The following MUC4 variants were observed in gnomAD, a reference collection of about 807,000 sequenced individuals.
The protein encoded by MUC4 is mucin-4.
Under a neutral mutation model 257.9 loss-of-function variants are expected in MUC4, and 202 were observed. The observed-to-expected ratio is 0.78, with a 90% CI of 0.70 to 0.88. The LOEUF (loss-of-function observed/expected upper bound fraction) is 0.88, where lower values mean the gene tolerates loss of function less well. Ranked by LOEUF, MUC4 falls within the 40% of genes least tolerant of loss-of-function variation. The pLI is 0.00. For synonymous variants in MUC4, 2,351 were observed against 2,757.1 expected (o/e 0.85, Z 4.62); for missense variants, 5,976 against 6,513.7 (o/e 0.92, Z 2.84).
At position 195,790,788 on chromosome 3, in the gene MUC4, T is replaced by G; in HGVS notation, c.792A>C (p.Ile264=). Reference sequence around the variant, plus strand: ...TGGAGCCTGTGGAGGTTGTCACTGTTATCTTCTCTGATGTCATCATGGATG... The same window carrying G: ...TGGAGCCTGTGGAGGTTGTCACTGTGATCTTCTCTGATGTCATCATGGATG... ...TNTSMMTSEK[I]TVTTSTGSTL... is the part of the protein sequence containing the mutation. The change falls in exon 2 of 25, where the codon ATA becomes ATC. Residue 264 remains isoleucine (I), a synonymous_variant. Coordinates refer to ENST00000463781, the MANE Select transcript of MUC4 (RefSeq NM_018406.7). 6.2e-7 allele frequency: 1 copy of G among 1,613,962 alleles called. No homozygotes were observed. Among genetic ancestry groups the G allele is most frequent in the Non-Finnish European group, 8.5e-7 (1 of 1,179,886 alleles).
chr3:195,756,615 TC>T (rs1717706130), intron 18 of MUC4, among the ~76,000 whole-genome samples: 1 of 150,702 alleles, frequency 6.6e-6, no homozygotes, highest in South Asian at 2.1e-4. Context: ...TTCCTTTCTT[TC>T]CTTTCCTTTC....
At position 195,754,375 on chromosome 3, in the gene MUC4, G is replaced by A; in HGVS notation, c.15169-3C>T. On this transcript the variant is annotated splice_region_variant and splice_polypyrimidine_tract_variant and intron_variant, in intron 18 of 24. Transcript: ENST00000463781. ...CCGTCACACTTGCAGCCAGCCACCTGGAGGAGGGTTGCCGATCACGGGCGG... is the reference window on the plus strand; with the variant it reads ...CCGTCACACTTGCAGCCAGCCACCTAGAGGAGGGTTGCCGATCACGGGCGG... 2 of 1,603,848 alleles carry A rather than the reference G, an allele frequency of 1.2e-6. No individual in the cohort carries two copies. Among genetic ancestry groups the A allele is most frequent in the East Asian group, 2.2e-5 (1 of 44,488 alleles).
chr3:195,759,016 G>A, intron 17 of MUC4, 108 bp downstream of exon 17: 1 of 1,381,842 alleles, frequency 7.2e-7, no homozygotes, highest in Non-Finnish European at 9.9e-7. Flanking sequence ...AAATGAAAGA[G>A]TGACAGCAAG....
At chr3:195,765,654 C>T (rs937076437) in intron 8 of MUC4, among the ~76,000 whole-genome samples, 2 of 152,208 alleles carry the variant, frequency 1.3e-5, no homozygotes, top group Non-Finnish European at 2.9e-5. Context: ...ACGTGGTTGC[C>T]ACAGAACAAA....
chr3:195,761,136 G>A lies in MUC4; in HGVS notation c.14615-19C>T, dbSNP rs569147602. 49 of 1,596,432 alleles carry A rather than the reference G, an allele frequency of 3.1e-5. No individual in the cohort carries two copies. Among genetic ancestry groups the A allele is most frequent in the African/African-American group, 5.4e-5 (4 of 74,706 alleles). ...ATCTGCCCTGTAACACACAGAGCGC[G>A]GTGGTACCAGGCATGGCACTCAGCC... On this transcript the variant is annotated intron_variant, in intron 15 of 24. Transcript: ENST00000463781.
chr3:195,758,571 A>ATTTTTTTTTTTTTTTTT (rs1553854547), intron 17 of MUC4, among the ~76,000 whole-genome samples: 5 of 34,300 alleles, frequency 1.5e-4, no homozygotes, highest in African/African-American at 4.9e-4. Context: ...TGATCTTCAA[A>ATTTTTTTTTTTTTTTTT]TCTTTTTTTT....
intron 1 of MUC4, among the ~76,000 whole-genome samples, chr3:195,794,715 CAA>C (rs1358131337): frequency 3.3e-5 from 5 of 152,138 alleles, no homozygotes; most frequent in African/African-American, 1.2e-4. Flanking sequence ...CTCAGAGAGA[CAA>C]AGTCTCAGGG....
At position 195,784,519 on chromosome 3, in the gene MUC4, T is replaced by A. The variant is rs75692609; in HGVS notation, c.7061A>T (p.His2354Leu). ...GGATACTGAGGAAGCGTCGGTGACA[T>A]GAAGAGGGGTGGCGTGACCTGTGGA... ...SASTGHATPL[H>L]VTDASSVSTG... Residue 2354 changes from histidine to leucine, a missense_variant, in exon 2 of 25, where the codon CAT becomes CTT. This residue lies in a region of MUC4 where 35 missense variants were observed against 64.3 expected (regional missense o/e 0.54). Transcript: ENST00000463781. 3.3e-4 allele frequency: 109 copies of A among 329,630 alleles called. 2 individuals are homozygous for A. In the African/African-American group the frequency reaches 4.7e-3, roughly 14 times the overall value. 20.4% of individuals were successfully genotyped at this position (329,630 alleles called of 1,614,324 possible). A position where few individuals can be genotyped will look rare whatever the true frequency, so the allele number is the denominator to read the frequency against.
intron 21 of MUC4, 36 bp from the exon 22 acceptor site, chr3:195,751,307 G>A (rs1716388085): frequency 6.6e-7 from 1 of 1,505,028 alleles, no homozygotes; most frequent in African/African-American, 1.4e-5. Flanking sequence ...GTGGGGGTGA[G>A]GCCCCATCCG....
At chr3:195,770,705 G>C (rs1234165550) in intron 5 of MUC4, 1 of 430,324 alleles carries the variant, frequency 2.3e-6, no homozygotes, top group African/African-American at 2.0e-5. Context: ...GCAGCTTCTT[G>C]AGAACAGGCG....
At chr3:195,760,504 A>G (rs1718573160) in intron 16 of MUC4, among the ~76,000 whole-genome samples, 1 of 110,630 alleles carries the variant, frequency 9.0e-6, no homozygotes, top group African/African-American at 2.9e-5. Flanking sequence ...GGGGGCTGGG[A>G]AGGCATCCAG....
At chr3:195,762,523 CACGCACCGGGCCCTGCACCGCA>C (rs1396741295) in intron 13 of MUC4, among the ~76,000 whole-genome samples, 2 of 145,888 alleles carry the variant, frequency 1.4e-5, no homozygotes, top group African/African-American at 5.4e-5. Flanking sequence ...CCTGCACCGC[CACGCACCGGGCCCTGCACCGCA>C]ACGCACCCGG....
Position 195,765,051 on chromosome 3 carries a change from C to G in MUC4, c.13870G>C (p.Gly4624Arg). 6.2e-7 allele frequency: 1 copy of G among 1,613,932 alleles called. No individual in the cohort carries two copies. Among genetic ancestry groups the G allele is most frequent in the Non-Finnish European group, 8.5e-7 (1 of 1,179,998 alleles). The change falls in exon 10 of 25, where the codon GGG becomes CGG. Residue 4624 changes from glycine (G) to arginine (R), a missense_variant. Physicochemically the swap from Gly to Arg is moderately radical, Grantham distance 125 (BLOSUM62 -2). This residue lies in a region of MUC4 where 996 missense variants were observed against 1,137.3 expected (regional missense o/e 0.88). Coordinates refer to ENST00000463781, the MANE Select transcript of MUC4 (RefSeq NM_018406.7). Reference protein sequence around the residue: ...SWRGGVCCSYGPWGEFREGWH... With the variant: ...SWRGGVCCSYRPWGEFREGWH... The stretch of plus-strand genomic sequence containing the variant: ...CCTTCACGAAACTCTCCCCAGGGCC[C>G]GTAGCTGCAGCACACGCCTCCTCGC...
chr3:195,774,855 G>A lies in MUC4; in HGVS notation c.12944-550C>T, dbSNP rs1370957030. Among the ~76,000 whole-genome samples, 9 of 148,136 alleles carry A rather than the reference G, an allele frequency of 6.1e-5. No individual in the cohort carries two copies. The South Asian group carries it at 1.1e-3, about 17-fold the overall frequency. ...GCTGAGGTTCCAGTGAGCTGAGATC[G>A]CGCCACTGCACTCCAGCCTGGGCAA... On this transcript the variant is annotated intron_variant, in intron 3 of 24. Coordinates refer to ENST00000463781, the MANE Select transcript of MUC4 (RefSeq NM_018406.7).
intron 1 of MUC4, among the ~76,000 whole-genome samples, chr3:195,800,208 G>GTGGA (rs1200564110): frequency 1.3e-5 from 2 of 152,106 alleles, no homozygotes; most frequent in Non-Finnish European, 1.5e-5. Context: ...AACCTGGGAG[G>GTGGA]TGGAGGTTGC....
intron 21 of MUC4, chr3:195,751,989 C>T (rs1404115706): frequency 1.1e-5 from 3 of 273,944 alleles, no homozygotes; most frequent in African/African-American, 6.4e-5. Flanking sequence ...CCCAACCACT[C>T]AGCAGTTGTG....
In MUC4 at chr3:195,763,519, G is replaced by T; in HGVS notation, c.14167C>A (p.Arg4723Ser). ...DGNSSFLLQGRTAQTGSAQAT... is the reference protein window; with the variant it reads ...DGNSSFLLQGSTAQTGSAQAT... ...TGGGCTGAGCCAGTCTGGGCGGTGC[G>T]GCCCTGAAGCAGGAAGGAGGAGTTC... is the stretch of plus-strand genomic sequence containing the variant. The change falls in exon 12 of 25, where the codon CGC (arginine) becomes AGC (serine). Residue 4723 changes from arginine (R) to serine (S), a missense_variant. Coordinates refer to ENST00000463781, the MANE Select transcript of MUC4 (RefSeq NM_018406.7). The T allele has an allele frequency of 6.4e-7, 1 of 1,569,280 alleles. No homozygotes were observed. The highest frequency in any genetic ancestry group is 8.6e-7 in the Non-Finnish European group (1 of 1,156,122).
intron 1 of MUC4, among the ~76,000 whole-genome samples, chr3:195,794,103 T>A (rs1279727556): frequency 5.4e-5 from 7 of 130,656 alleles, no homozygotes; most frequent in African/African-American, 1.8e-4. Context: ...ATAATAATAA[T>A]AATAAAAATA....
rs1221256353 is a variant in MUC4 at position 195,767,814 on chromosome 3, T to TCAC, written c.13530-1066_13530-1064dup. Among the ~76,000 whole-genome samples the TCAC allele has an allele frequency of 4.0e-4, 17 of 42,900 alleles. 2 individuals are homozygous for TCAC. The highest frequency in any genetic ancestry group is 2.3e-3 in the Admixed American group (12 of 5,180). 28.1% of individuals were successfully genotyped at this position (42,900 alleles called of 152,430 possible). On this transcript the variant is annotated intron_variant, in intron 7 of 24. Coordinates refer to ENST00000463781, the MANE Select transcript of MUC4 (RefSeq NM_018406.7). ...ATTGCCACCACCATCATCACCACCATCACCACCACCACCACCATCACCACC... is the reference window on the plus strand; with the variant it reads ...ATTGCCACCACCATCATCACCACCATCACCACCACCACCACCACCATCACCACC...
Sources: allele counts gnomAD v4.1 joint callset (sites outside exome capture counted in the v4.1 genomes callset), GRCh38; gene constraint gnomAD v4.1.1; regional missense constraint gnomAD v4.1.1; transcripts MANE v1.5; gene names NCBI Gene and HGNC (gene_info 2026-07-23, HGNC 2026-07-21).